Variants in TASP1 observed in about 807,000 individuals in gnomAD.
TASP1 encodes taspase 1.
Under a neutral mutation model 56.6 loss-of-function variants are expected in TASP1, and 16 were observed. The observed-to-expected ratio is 0.28, with a 90% CI of 0.19 to 0.43. TASP1 has a LOEUF of 0.43. Ranked by LOEUF, TASP1 falls within the 20% of genes least tolerant of loss-of-function variation. TASP1 has a pLI of 1.00. For synonymous variants in TASP1, 179 were observed against 184.2 expected, an observed-to-expected ratio of 0.97 and a Z score of 0.23; for missense variants, 393 against 511.6, an observed-to-expected ratio of 0.77 and a Z score of 2.24.
At chr20:13,310,534 C>G in the TASP1 span, among the ~76,000 whole-genome samples, 5 of 151,972 alleles carry the variant, frequency 3.3e-5, no homozygotes, top group African/African-American at 1.2e-4. Flanking sequence ...GTCTCCTGCC[C>G]AAATATGTAG....
intron 4 of TASP1, among the ~76,000 whole-genome samples, chr20:13,614,422 GA>G (rs1030701828): frequency 1.6e-4 from 24 of 151,870 alleles, no homozygotes; most frequent in African/African-American, 5.8e-4. Flanking sequence ...GGAAATGTCA[GA>G]AAAAATTGAA....
chr20:13,181,834 A>C, the TASP1 span, among the ~76,000 whole-genome samples: 1 of 152,204 alleles, frequency 6.6e-6, no homozygotes, highest in Non-Finnish European at 1.5e-5. Context: ...ATAATGACTT[A>C]ATGTGTTAAG....
the TASP1 span, chr20:13,153,853 T>A: frequency 9.7e-7 from 1 of 1,027,712 alleles, no homozygotes. Context: ...CCACACCTGC[T>A]CCCCAGGAGA....
At chr20:13,193,572 G>C in the TASP1 span, among the ~76,000 whole-genome samples, 1 of 152,180 alleles carries the variant, frequency 6.6e-6, no homozygotes, top group South Asian at 2.1e-4. Flanking sequence ...AATGCATTCG[G>C]TTGCAAGTAA....
At chr20:13,213,253 T>C in the TASP1 span, among the ~76,000 whole-genome samples, 1 of 152,210 alleles carries the variant, frequency 6.6e-6, no homozygotes. Flanking sequence ...CTCTTTTGAC[T>C]TCCCTAGGGT....
chr20:13,371,469 ATCTT>A, the TASP1 span, among the ~76,000 whole-genome samples: 1 of 112,226 alleles, frequency 8.9e-6, no homozygotes, highest in African/African-American at 2.6e-5. Context: ...AATTTCCCAA[ATCTT>A]TCTGTTACTT....
chr20:13,512,720 T>G lies in TASP1; in HGVS notation c.874+15713A>C, dbSNP rs891870615. Among the ~76,000 whole-genome samples the G allele has an allele frequency of 1.1e-4, 17 of 152,312 alleles. No individual in the cohort carries two copies. In the South Asian group the frequency reaches 3.1e-3, roughly 28 times the overall value. On this transcript the variant is annotated intron_variant, in intron 10 of 13. Transcript: ENST00000337743. ...GTATTGCCTAGGTTTTCTTATATGG[T>G]TTTTATGGTTTTAGGTCTAACATTT...
At chr20:13,393,390 G>A in intron 13 of TASP1, 1 of 745,720 alleles carries the variant, frequency 1.3e-6, no homozygotes, top group Non-Finnish European at 2.4e-6. Context: ...CATTGCCAAT[G>A]TGTCAGTTAT....
the TASP1 span, chr20:13,270,527 C>T: frequency 1.9e-6 from 3 of 1,613,482 alleles, no homozygotes; most frequent in Middle Eastern, 1.6e-4. Context: ...TGGGAAGTGA[C>T]ACCACATCAG....
chr20:13,137,823 A>G, the TASP1 span, among the ~76,000 whole-genome samples: 2 of 152,202 alleles, frequency 1.3e-5, no homozygotes, highest in Non-Finnish European at 2.9e-5. Context: ...GGCAACAGCT[A>G]ATCCTCTCAT....
the TASP1 span, chr20:13,368,791 T>C: frequency 1.3e-5 from 2 of 152,244 alleles, no homozygotes; most frequent in African/African-American, 2.4e-5. Flanking sequence ...TGTACCCTAA[T>C]ACACACCAGC....
the TASP1 span, among the ~76,000 whole-genome samples, chr20:13,108,821 T>C: frequency 6.6e-6 from 1 of 152,180 alleles, no homozygotes; most frequent in South Asian, 2.1e-4. Flanking sequence ...CTTTGCTAGA[T>C]GTCACCTTTT....
chr20:13,630,586 A>T (rs1303170150), intron 1 of TASP1, among the ~76,000 whole-genome samples: 1 of 148,718 alleles, frequency 6.7e-6, no homozygotes, highest in African/African-American at 2.5e-5. Context: ...GCTACGCAGG[A>T]GGCTGAGGCA....
rs550712935 is a variant in TASP1 at position 13,530,481 on chromosome 20, C to T, written c.796-1970G>A. Among the ~76,000 whole-genome samples, 6 of 152,316 alleles carry T rather than the reference C, an allele frequency of 3.9e-5. No individual in the cohort carries two copies. The South Asian group carries it at 1.2e-3, about 32-fold the overall frequency. ...CAACTGGTACTCCCTGAAGCAAGTG[C>T]TGGGTCAGCCAGTCTCAGAGAACAC... is the stretch of plus-strand genomic sequence containing the variant. On this transcript the variant is annotated intron_variant, in intron 9 of 13. Transcript: ENST00000337743.
chr20:13,197,180 A>C, the TASP1 span, among the ~76,000 whole-genome samples: 1 of 152,178 alleles, frequency 6.6e-6, no homozygotes, highest in African/African-American at 2.4e-5. Flanking sequence ...CCATTACTGA[A>C]TTACGTTTTG....
intron 10 of TASP1, among the ~76,000 whole-genome samples, chr20:13,506,818 G>C (rs1351376313): frequency 1.3e-5 from 2 of 150,896 alleles, no homozygotes; most frequent in African/African-American, 2.4e-5. Flanking sequence ...ACAAGATAAG[G>C]ATACCCACTC....
the TASP1 span, among the ~76,000 whole-genome samples, chr20:13,325,272 G>A: frequency 8.5e-5 from 13 of 152,182 alleles, no homozygotes; most frequent in African/African-American, 2.7e-4. Context: ...GAGGTCTCAG[G>A]TCTCTTCTGA....
intron 8 of TASP1, among the ~76,000 whole-genome samples, chr20:13,536,733 T>A (rs980461375): frequency 6.6e-6 from 1 of 152,138 alleles, no homozygotes; most frequent in Non-Finnish European, 1.5e-5. Context: ...TCCTACCAGA[T>A]AAGGATGATT....
intron 6 of TASP1, 89 bp from the exon 7 acceptor site, chr20:13,569,675 GAA>G (rs1462592280): frequency 1.8e-6 from 2 of 1,141,114 alleles, no homozygotes; most frequent in Non-Finnish European, 2.5e-6. Flanking sequence ...AGGCAGTTGA[GAA>G]AAAGTCTTGC....
Sources: gnomAD v4.1 joint callset for allele counts (sites outside exome capture counted in the v4.1 genomes callset) on GRCh38, gnomAD v4.1.1 for gene constraint, MANE v1.5 for transcripts, NCBI Gene and HGNC (gene_info 2026-07-23, HGNC 2026-07-21) for gene names.